The following EYA1 variants were observed in gnomAD, a reference collection of about 807,000 sequenced individuals.
EYA1 encodes the protein EYA transcriptional coactivator and phosphatase 1.
EYA1 carries 16 observed loss-of-function variants against 82.0 expected under a neutral mutation model. The ratio of observed to expected loss-of-function variants is 0.20; its 90% confidence interval spans 0.13 to 0.30. The LOEUF is 0.30. EYA1 is among the 10% of genes least tolerant of loss of function. The probability of loss-of-function intolerance (pLI) is 1.00; values close to 1 mark genes in which losing one functional copy is unlikely to be tolerated. For missense variants in EYA1, 633 were observed against 730.7 expected (o/e 0.87, Z 1.54); for synonymous variants, 261 against 264.4 (o/e 0.99, Z 0.12).
intron 9 of EYA1, among the ~76,000 whole-genome samples, chr8:71,292,548 A>G (rs1409181292): frequency 6.6e-6 from 1 of 152,046 alleles, no homozygotes; most frequent in African/African-American, 2.4e-5. Context: ...TAAATTACAC[A>G]TATCTTCTAA....
intron 9 of EYA1, among the ~76,000 whole-genome samples, chr8:71,282,706 T>C (rs918192262): frequency 4.6e-5 from 7 of 152,184 alleles, no homozygotes; most frequent in African/African-American, 1.7e-4. Flanking sequence ...CTGGGCTCAG[T>C]GCTTGTCTCC....
intron 2 of EYA1, among the ~76,000 whole-genome samples, chr8:71,479,863 G>T (rs1401998079): frequency 2.0e-5 from 3 of 151,916 alleles, no homozygotes; most frequent in Non-Finnish European, 4.4e-5. Flanking sequence ...CTATGTGGGT[G>T]GACAAAAATT....
intron 2 of EYA1, among the ~76,000 whole-genome samples, chr8:71,464,777 A>G (rs1808657712): frequency 6.6e-6 from 1 of 152,186 alleles, no homozygotes; most frequent in South Asian, 2.1e-4. Context: ...CAATAATAAT[A>G]TGCATTCTAC....
chr8:71,273,858 C>G (rs2128955624), intron 9 of EYA1, among the ~76,000 whole-genome samples: 1 of 152,298 alleles, frequency 6.6e-6, no homozygotes, highest in East Asian at 1.9e-4. Flanking sequence ...CATGTTACAA[C>G]TTTTTCCTTG....
At position 71,356,607 on chromosome 8, in the gene EYA1, C is replaced by G. The variant is rs188486874; in HGVS notation, c.-54-96G>C. 7.1e-5 allele frequency: 101 copies of G among 1,431,374 alleles called. 1 individual carries two copies. In the South Asian group the frequency reaches 1.6e-3, roughly 22 times the overall value. 88.7% of individuals were successfully genotyped at this position (1,431,374 alleles called of 1,614,324 possible). A position where few individuals can be genotyped will look rare whatever the true frequency, so the allele number is the denominator to read the frequency against. On this transcript the variant is annotated intron_variant, in intron 1 of 17. Transcript: ENST00000340726. ...GCACATGGCTGAGAACGACAATGCT[C>G]TCTTTTAACCAAAAGAGAAAAAGGA...
At chr8:71,225,165 C>A in intron 12 of EYA1, 1 of 454,654 alleles carries the variant, frequency 2.2e-6, no homozygotes, top group Non-Finnish European at 4.4e-6. Flanking sequence ...TGCAGAACAG[C>A]ATGATTCCAT....
chr8:71,201,465 G>A (rs1342295306), intron 17 of EYA1, among the ~76,000 whole-genome samples: 1 of 151,952 alleles, frequency 6.6e-6, no homozygotes, highest in Non-Finnish European at 1.5e-5. Context: ...CATTCTCTGT[G>A]GGCTAAGAGA....
rs370607864 is a variant in EYA1, at chr8:71,293,167, T to C, written c.826+5880A>G. Among the ~76,000 whole-genome samples, 5 of 152,012 alleles carry C rather than the reference T, an allele frequency of 3.3e-5. No homozygotes were observed. The East Asian group carries it at 9.6e-4, about 29-fold the overall frequency. On this transcript the variant is annotated intron_variant, in intron 9 of 17. Coordinates refer to ENST00000340726, the MANE Select transcript of EYA1 (RefSeq NM_000503.6). The stretch of plus-strand genomic sequence containing the variant: ...AAGAAATGTTATGAACAATTCTATA[T>C]CCACAAATTAGACAAAGTTAGATGA...
intron 2 of EYA1, among the ~76,000 whole-genome samples, chr8:71,422,496 T>C (rs550111215): frequency 3.9e-4 from 59 of 152,346 alleles, no homozygotes; most frequent in Non-Finnish European, 6.6e-4. Flanking sequence ...GTATTGTCTC[T>C]GTCTGTGGTC....
chr8:71,515,655 A>G (rs919569974), intron 2 of EYA1, among the ~76,000 whole-genome samples: 5 of 152,126 alleles, frequency 3.3e-5, no homozygotes, highest in African/African-American at 4.8e-5. Context: ...ACTAATTTGC[A>G]TTCCTCTTAC....
intron 2 of EYA1, among the ~76,000 whole-genome samples, chr8:71,455,559 G>T (rs1268410441): frequency 6.6e-6 from 1 of 152,142 alleles, no homozygotes; most frequent in Non-Finnish European, 1.5e-5. Context: ...GCTTATCCAC[G>T]ATGATCAAGT....
At chr8:71,542,202 ATCT>A (rs1487777796) in intron 1 of EYA1, among the ~76,000 whole-genome samples, 3 of 152,044 alleles carry the variant, frequency 2.0e-5, no homozygotes, top group East Asian at 1.9e-4. Context: ...ATTTTTCCTG[ATCT>A]TCTCTCTCCT....
upstream of EYA1, chr8:71,362,104 T>C (rs2129079961): frequency 1.0e-6 from 1 of 981,242 alleles, no homozygotes; most frequent in Non-Finnish European, 1.2e-6. Flanking sequence ...ATCTCATCCC[T>C]CGATTTGTTT....
chr8:71,209,178 G>A (rs533722390), intron 17 of EYA1, among the ~76,000 whole-genome samples: 96 of 152,282 alleles, frequency 6.3e-4, no homozygotes, highest in African/African-American at 2.2e-3. Context: ...GAATGGCTTG[G>A]GAATGCCAGA....
chr8:71,252,206 T>A (rs567145469), intron 11 of EYA1, among the ~76,000 whole-genome samples: 1 of 152,046 alleles, frequency 6.6e-6, no homozygotes, highest in Admixed American at 6.5e-5. Flanking sequence ...TTACCAAGAC[T>A]CTCACACACA....
intron 2 of EYA1, among the ~76,000 whole-genome samples, chr8:71,512,650 T>TA (rs1268546577): frequency 2.0e-5 from 3 of 151,848 alleles, no homozygotes; most frequent in South Asian, 2.1e-4. Flanking sequence ...GGACAGATTT[T>TA]AAAAAAAATC....
At chr8:71,396,689 C>T (rs1392135075) in intron 2 of EYA1, among the ~76,000 whole-genome samples, 4 of 152,140 alleles carry the variant, frequency 2.6e-5, no homozygotes, top group African/African-American at 9.7e-5. Context: ...TTCACATTTG[C>T]AGAGGGGTGC....
At chr8:71,435,582 G>A (rs947890646) in intron 2 of EYA1, among the ~76,000 whole-genome samples, 31 of 152,094 alleles carry the variant, frequency 2.0e-4, no homozygotes, top group African/African-American at 7.5e-4. Flanking sequence ...TAAAGCAGAA[G>A]GCTGTTTATA....
At chr8:71,226,540 A>G (rs16937521) in intron 12 of EYA1, among the ~76,000 whole-genome samples, 3,357 of 151,466 alleles carry the variant, frequency 0.022, 137 homozygotes, top group African/African-American at 0.076. Context: ...AGAAAGTCTC[A>G]CTTAATGAAA....
Sources: gnomAD v4.1 joint callset for allele counts (sites outside exome capture counted in the v4.1 genomes callset) on GRCh38, gnomAD v4.1.1 for gene constraint, MANE v1.5 for transcripts, NCBI Gene and HGNC (gene_info 2026-07-23, HGNC 2026-07-21) for gene names.